CNBD1: variants seen among roughly 807,000 people sequenced by gnomAD.
CNBD1 encodes cyclic nucleotide-binding domain-containing protein 1.
Under a neutral mutation model 54.4 loss-of-function variants are expected in CNBD1, and 71 were observed. That is an observed-to-expected ratio of 1.30 (90% CI 1.08 to 1.59). CNBD1 has a LOEUF of 1.59. Ranked by LOEUF, CNBD1 falls within the 40% of genes most tolerant of loss-of-function variation. The pLI is 0.00. For synonymous variants in CNBD1, 182 were observed against 170.7 expected (o/e 1.07, Z -0.51); for missense variants, 659 against 518.0 (o/e 1.27, Z -2.64).
chr8:87,133,681 C>A (rs1812166848), intron 4 of CNBD1, among the ~76,000 whole-genome samples: 1 of 147,698 alleles, frequency 6.8e-6, no homozygotes. Flanking sequence ...GATTGTTATA[C>A]AACCTCTTTT....
intron 10 of CNBD1, among the ~76,000 whole-genome samples, chr8:87,380,804 A>G (rs895283691): frequency 6.6e-6 from 1 of 151,984 alleles, no homozygotes; most frequent in Non-Finnish European, 1.5e-5. Context: ...TTACTAATTT[A>G]ATCTCTACAA....
At chr8:87,303,571 G>A (rs965996003) in intron 8 of CNBD1, among the ~76,000 whole-genome samples, 2 of 152,224 alleles carry the variant, frequency 1.3e-5, no homozygotes, top group East Asian at 1.9e-4. Flanking sequence ...CAGGACATAG[G>A]CATGGGCAAG....
intron 3 of CNBD1, among the ~76,000 whole-genome samples, chr8:86,913,643 C>G (rs1466611194): frequency 6.6e-6 from 1 of 152,098 alleles, no homozygotes; most frequent in African/African-American, 2.4e-5. Context: ...TCACAGAGAT[C>G]ACATGCTTCA....
intron 4 of CNBD1, among the ~76,000 whole-genome samples, chr8:87,099,034 C>CAAAAAAAAA (rs11402011): frequency 3.9e-4 from 9 of 23,058 alleles, no homozygotes; most frequent in African/African-American, 7.2e-4. Flanking sequence ...GACTGTGTCT[C>CAAAAAAAAA]AAAAAAAAAA....
intron 8 of CNBD1, among the ~76,000 whole-genome samples, chr8:87,350,038 A>G (rs911302661): frequency 6.6e-6 from 1 of 152,150 alleles, no homozygotes; most frequent in African/African-American, 2.4e-5. Flanking sequence ...TAAGTGCATT[A>G]TTTCCTTATC....
At chr8:87,382,940 A>G (rs1811111842), downstream of CNBD1, 1 of 221,632 alleles carries the variant, frequency 4.5e-6, no homozygotes, top group African/African-American at 2.3e-5. Flanking sequence ...GTTATATGTA[A>G]ATGTTTATAT....
At chr8:87,172,927 C>T (rs552505217) in intron 4 of CNBD1, among the ~76,000 whole-genome samples, 7 of 151,840 alleles carry the variant, frequency 4.6e-5, no homozygotes, top group South Asian at 4.2e-4. Context: ...ATTTGTTTTC[C>T]GGTTATTTTG....
chr8:86,994,595 T>A (rs1329340302), intron 4 of CNBD1, among the ~76,000 whole-genome samples: 1 of 152,212 alleles, frequency 6.6e-6, no homozygotes, highest in East Asian at 1.9e-4. Flanking sequence ...AGCATCCCCA[T>A]GGTCCACAGC....
At chr8:87,226,186 A>T (rs372540774) in intron 5 of CNBD1, among the ~76,000 whole-genome samples, 3 of 152,050 alleles carry the variant, frequency 2.0e-5, no homozygotes, top group East Asian at 1.9e-4. Context: ...CCTTTCAAAA[A>T]ACCAGCTCCT....
chr8:87,060,771 A>C (rs1408495471), intron 4 of CNBD1, among the ~76,000 whole-genome samples: 1 of 152,154 alleles, frequency 6.6e-6, no homozygotes, highest in Non-Finnish European at 1.5e-5. Context: ...TGTTTTCATT[A>C]AATATGAAAA....
intron 4 of CNBD1, among the ~76,000 whole-genome samples, chr8:87,178,575 T>G (rs1177908447): frequency 6.6e-6 from 1 of 152,220 alleles, no homozygotes; most frequent in Non-Finnish European, 1.5e-5. Flanking sequence ...CAGCCATTTT[T>G]ACTTGGAGTC....
At position 87,072,527 on chromosome 8, in the gene CNBD1, G is replaced by A. The variant is rs570808192; in HGVS notation, c.431+132773G>A. On this transcript the variant is annotated intron_variant, in intron 4 of 10. Transcript: ENST00000518476. ...GTGGTGAAGAATTTCCTTAGCATTT[G>A]CTTGACTGAAAAGTATCTTATTTCT... Among the ~76,000 whole-genome samples, 29 of 152,186 alleles carry A rather than the reference G, an allele frequency of 1.9e-4. No individual in the cohort carries two copies. In the South Asian group the frequency reaches 5.6e-3, roughly 29 times the overall value.
intron 2 of CNBD1, among the ~76,000 whole-genome samples, chr8:87,403,954 A>G (rs1369147130): frequency 3.3e-5 from 5 of 152,084 alleles, no homozygotes; most frequent in Non-Finnish European, 7.4e-5. Context: ...ACAGTAAATA[A>G]CCATGATTTA....
chr8:87,246,679 C>A (rs1045390825), intron 6 of CNBD1, among the ~76,000 whole-genome samples: 1 of 152,028 alleles, frequency 6.6e-6, no homozygotes, highest in African/African-American at 2.4e-5. Flanking sequence ...GAATTTCTTC[C>A]TCAGATTTGC....
chr8:87,089,091 A>G (rs1811155148), intron 4 of CNBD1, among the ~76,000 whole-genome samples: 2 of 152,134 alleles, frequency 1.3e-5, no homozygotes, highest in South Asian at 2.1e-4. Flanking sequence ...GAAACAAAAG[A>G]TGTAAAGGCA....
At chr8:87,304,402 T>G (rs952280023) in intron 8 of CNBD1, among the ~76,000 whole-genome samples, 1 of 151,482 alleles carries the variant, frequency 6.6e-6, no homozygotes, top group South Asian at 2.1e-4. Flanking sequence ...AACCAAACAC[T>G]GCATGTTCTC....
At chr8:87,011,232 G>T (rs1178482675) in intron 4 of CNBD1, among the ~76,000 whole-genome samples, 1 of 145,232 alleles carries the variant, frequency 6.9e-6, no homozygotes, top group Non-Finnish European at 1.5e-5. Flanking sequence ...TCACAGCACT[G>T]TGCAACTAAA....
chr8:87,035,747 C>G (rs1345894469), intron 4 of CNBD1, among the ~76,000 whole-genome samples: 2 of 152,140 alleles, frequency 1.3e-5, no homozygotes, highest in East Asian at 1.9e-4. Flanking sequence ...ATATAAATGT[C>G]TGGAGGGTGG....
chr8:86,883,709 GA>G (rs1417712292), intron 1 of CNBD1, among the ~76,000 whole-genome samples: 1 of 152,096 alleles, frequency 6.6e-6, no homozygotes, highest in East Asian at 1.9e-4. Context: ...TGATCTTAAT[GA>G]AAAAAATTTC....
Sources: gnomAD v4.1 joint callset for allele counts (sites outside exome capture counted in the v4.1 genomes callset) on GRCh38, gnomAD v4.1.1 for gene constraint, MANE v1.5 for transcripts, NCBI Gene and HGNC (gene_info 2026-07-23, HGNC 2026-07-21) for gene names.